The following SH2D4B variants were observed in gnomAD, a reference collection of about 807,000 sequenced individuals.
SH2D4B encodes the protein SH2 domain containing 4B, also known as SH2 domain-containing protein 4B.
In SH2D4B, 45 loss-of-function variants were observed where a neutral mutation model predicts 61.5. The observed-to-expected ratio is 0.73, with a 90% CI of 0.58 to 0.94. The LOEUF is 0.94. SH2D4B is among the 40% of genes least tolerant of loss of function. The probability of loss-of-function intolerance (pLI) is 0.00; values close to 1 mark genes in which losing one functional copy is unlikely to be tolerated. For missense variants in SH2D4B, 572 were observed against 574.2 expected (o/e 1.00, Z 0.04); for synonymous variants, 224 against 220.4 (o/e 1.02, Z -0.14).
chr10:80,593,061 GT>G (rs1471314059), intron 4 of SH2D4B, among the ~76,000 whole-genome samples: 2 of 152,044 alleles, frequency 1.3e-5, no homozygotes, highest in Non-Finnish European at 2.9e-5. Flanking sequence ...TTATATGTCT[GT>G]TTCTTATGCC....
At chr10:80,568,036 A>T (rs1841992921) in intron 1 of SH2D4B, among the ~76,000 whole-genome samples, 1 of 151,644 alleles carries the variant, frequency 6.6e-6, no homozygotes, top group African/African-American at 2.4e-5. Flanking sequence ...TCTCTGTTTC[A>T]CCTGAAGGAC....
At chr10:80,542,990 C>G (rs1198288510) in intron 1 of SH2D4B, among the ~76,000 whole-genome samples, 1 of 152,242 alleles carries the variant, frequency 6.6e-6, no homozygotes, top group Admixed American at 6.5e-5. Context: ...TTCTCCACAG[C>G]TGGGCTCAGG....
intron 5 of SH2D4B, among the ~76,000 whole-genome samples, chr10:80,604,182 C>A (rs1842488662): frequency 6.6e-6 from 1 of 152,174 alleles, no homozygotes; most frequent in African/African-American, 2.4e-5. Flanking sequence ...GGCCGGGCAG[C>A]CTGGACACCA....
intron 1 of SH2D4B, among the ~76,000 whole-genome samples, chr10:80,565,607 A>G (rs1841955700): frequency 6.6e-6 from 1 of 152,028 alleles, no homozygotes; most frequent in Non-Finnish European, 1.5e-5. Flanking sequence ...AGATGACAAG[A>G]AATCTGGGGG....
At chr10:80,620,100 C>T (rs1005337533) in intron 6 of SH2D4B, among the ~76,000 whole-genome samples, 2 of 152,184 alleles carry the variant, frequency 1.3e-5, no homozygotes, top group East Asian at 1.9e-4. Context: ...CACACGTTCT[C>T]CAGGTCATTG....
chr10:80,545,417 G>C (rs529309018), intron 1 of SH2D4B, among the ~76,000 whole-genome samples: 20 of 146,552 alleles, frequency 1.4e-4, no homozygotes, highest in African/African-American at 5.0e-4. Flanking sequence ...CTTACTTTCT[G>C]TCCTCTTTCT....
chr10:80,636,327 T>A (rs1433155153), intron 7 of SH2D4B, among the ~76,000 whole-genome samples: 2 of 152,224 alleles, frequency 1.3e-5, no homozygotes, highest in African/African-American at 4.8e-5. Context: ...ATGGGATCGC[T>A]GGGTCAAATG....
Position 80,610,266 on chromosome 10 carries a change from C to T in SH2D4B, c.988+715C>T, listed in dbSNP as rs1366355280. 3.3e-5 allele frequency among the ~76,000 whole-genome samples: 5 copies of T among 152,280 alleles called. No homozygotes were observed. In the East Asian group the frequency reaches 9.6e-4, roughly 29 times the overall value. Reference sequence around the variant, plus strand: ...CCTTCCCCAGTGTCCCTCAGCTCACCCTGCTCATTTCCTGGACAGAGTGTG... The same window carrying T: ...CCTTCCCCAGTGTCCCTCAGCTCACTCTGCTCATTTCCTGGACAGAGTGTG... On this transcript the variant is annotated intron_variant, in intron 6 of 7. Coordinates refer to ENST00000646907, the MANE Select transcript of SH2D4B (RefSeq NM_001388272.1).
intron 6 of SH2D4B, among the ~76,000 whole-genome samples, chr10:80,619,594 T>C (rs1842695586): frequency 6.6e-6 from 1 of 152,266 alleles, no homozygotes; most frequent in Non-Finnish European, 1.5e-5. Flanking sequence ...ACCCTTGGAC[T>C]TTGTGGCTTA....
intron 1 of SH2D4B, among the ~76,000 whole-genome samples, chr10:80,542,175 C>A (rs1376489423): frequency 6.6e-6 from 1 of 152,088 alleles, no homozygotes; most frequent in Non-Finnish European, 1.5e-5. Context: ...ATGGCCACGA[C>A]CTGTGCAAGC....
intron 6 of SH2D4B, among the ~76,000 whole-genome samples, chr10:80,614,288 G>A (rs1005511103): frequency 2.6e-5 from 4 of 152,216 alleles, no homozygotes; most frequent in Non-Finnish European, 5.9e-5. Flanking sequence ...TTTACTCGTG[G>A]CAGAAGGCGA....
intron 3 of SH2D4B, among the ~76,000 whole-genome samples, chr10:80,583,384 T>C (rs962644523): frequency 6.6e-6 from 1 of 151,914 alleles, no homozygotes; most frequent in Non-Finnish European, 1.5e-5. Flanking sequence ...AGACAACAGA[T>C]GGAGCCGGGC....
intron 1 of SH2D4B, among the ~76,000 whole-genome samples, chr10:80,563,162 A>G (rs1841926644): frequency 2.6e-5 from 4 of 151,876 alleles, no homozygotes; most frequent in African/African-American, 9.7e-5. Context: ...CGGCCTCCCA[A>G]AGTGCTGGGA....
At position 80,539,042 on chromosome 10, in the gene SH2D4B, A is replaced by G. The variant is rs1290350428; in HGVS notation, c.184+527A>G. On this transcript the variant is annotated intron_variant, in intron 1 of 7. Coordinates refer to ENST00000646907, the MANE Select transcript of SH2D4B (RefSeq NM_001388272.1). This position sits in a 1 kb window ranked among gnomAD's most constrained non-coding sequence, Gnocchi z 4.9. Reference sequence around the variant, plus strand: ...GGTTGTCTCTGGAGCCCCACTGGGCATCCGGAGAGAGGGCATCAGGGAACG... The same window carrying G: ...GGTTGTCTCTGGAGCCCCACTGGGCGTCCGGAGAGAGGGCATCAGGGAACG... 6.6e-6 allele frequency among the ~76,000 whole-genome samples: 1 copy of G among 152,204 alleles called. No homozygotes were observed. The highest frequency in any genetic ancestry group is 6.5e-5 in the Admixed American group (1 of 15,286).
At chr10:80,604,759 C>A (rs1842496349) in intron 5 of SH2D4B, among the ~76,000 whole-genome samples, 1 of 151,780 alleles carries the variant, frequency 6.6e-6, no homozygotes, top group Admixed American at 6.6e-5. Context: ...CTACTCCACT[C>A]CCCCTTCTTC....
chr10:80,582,425 T>G (rs946289941), intron 3 of SH2D4B, among the ~76,000 whole-genome samples: 3 of 152,226 alleles, frequency 2.0e-5, no homozygotes, highest in African/African-American at 7.2e-5. Flanking sequence ...CCCAATCTCA[T>G]GTGATCCTCT....
At chr10:80,630,918 C>G (rs2132159527) in intron 6 of SH2D4B, among the ~76,000 whole-genome samples, 1 of 152,252 alleles carries the variant, frequency 6.6e-6, no homozygotes. Context: ...CTGGGCTCTG[C>G]TGGAAGTCAG....
At chr10:80,598,563 A>G (rs1368675346) in intron 4 of SH2D4B, among the ~76,000 whole-genome samples, 1 of 152,220 alleles carries the variant, frequency 6.6e-6, no homozygotes, top group Non-Finnish European at 1.5e-5. Flanking sequence ...TTAATTTAAT[A>G]TGAAAGATAT....
At chr10:80,622,713 T>G (rs375899263) in intron 6 of SH2D4B, among the ~76,000 whole-genome samples, 1 of 152,230 alleles carries the variant, frequency 6.6e-6, no homozygotes, top group African/African-American at 2.4e-5. Context: ...TCAGTTGGTC[T>G]CCTGCTTTCC....
Sources: gnomAD v4.1 joint callset for allele counts (sites outside exome capture counted in the v4.1 genomes callset) on GRCh38, gnomAD v4.1.1 for gene constraint, Gnocchi (gnomAD v3.1) non-coding constraint, MANE v1.5 for transcripts, NCBI Gene and HGNC (gene_info 2026-07-23, HGNC 2026-07-21) for gene names.